CDH23: variants seen among roughly 807,000 people sequenced by gnomAD.
The protein encoded by CDH23 is cadherin related 23.
CDH23 carries 189 observed loss-of-function variants against 317.1 expected under a neutral mutation model. That is an observed-to-expected ratio of 0.60 (90% CI 0.53 to 0.67). The LOEUF is 0.67. CDH23 is among the 30% of genes least tolerant of loss of function. The probability of loss-of-function intolerance (pLI) is 0.00; values close to 1 mark genes in which losing one functional copy is unlikely to be tolerated. For synonymous variants in CDH23, 1,839 were observed against 1,876.8 expected (o/e 0.98, Z 0.52); for missense variants, 4,401 against 4,592.4 (o/e 0.96, Z 1.20).
At chr10:71,610,710 C>G (rs562659579) in intron 9 of CDH23, among the ~76,000 whole-genome samples, 27 of 150,916 alleles carry the variant, frequency 1.8e-4, no homozygotes, top group South Asian at 1.1e-3. Context: ...ATCCCCACCC[C>G]CCGACCCCTG....
intron 6 of CDH23, among the ~76,000 whole-genome samples, chr10:71,533,560 C>A (rs113173123): frequency 1.4e-5 from 2 of 141,472 alleles, no homozygotes; most frequent in African/African-American, 5.1e-5. Context: ...CACACACACA[C>A]ACACACACAC....
intron 3 of CDH23, among the ~76,000 whole-genome samples, chr10:71,463,017 C>T (rs56061344): frequency 9.3e-4 from 141 of 152,306 alleles, no homozygotes; most frequent in African/African-American, 2.9e-3. Flanking sequence ...GCATTTCCCC[C>T]GTCTAAAATG....
intron 9 of CDH23, among the ~76,000 whole-genome samples, chr10:71,604,460 C>T (rs1860414631): frequency 6.6e-6 from 1 of 152,194 alleles, no homozygotes; most frequent in Non-Finnish European, 1.5e-5. Context: ...TTTCTCTCTG[C>T]CATCACCCAG....
chr10:71,774,467 A>G (rs1840770614), intron 38 of CDH23, among the ~76,000 whole-genome samples: 1 of 152,110 alleles, frequency 6.6e-6, no homozygotes, highest in Non-Finnish European at 1.5e-5. Flanking sequence ...CCCTTCAGCT[A>G]CCACCTCCAG....
At chr10:71,659,424 C>A (rs912793058) in intron 14 of CDH23, among the ~76,000 whole-genome samples, 11 of 152,202 alleles carry the variant, frequency 7.2e-5, no homozygotes, top group Admixed American at 2.0e-4. Context: ...GGTAGGGGAC[C>A]CACAGAGGTT....
intron 3 of CDH23, among the ~76,000 whole-genome samples, chr10:71,451,378 G>A (rs141876980): frequency 9.2e-5 from 14 of 152,282 alleles, no homozygotes; most frequent in East Asian, 5.8e-4. Flanking sequence ...GTAAAAGCCC[G>A]TGTTCCTCAA....
At chr10:71,718,822 T>C (rs1227659426) in intron 28 of CDH23, among the ~76,000 whole-genome samples, 1 of 152,058 alleles carries the variant, frequency 6.6e-6, no homozygotes, top group East Asian at 1.9e-4. Flanking sequence ...ATCCCAGCAC[T>C]TTGGGAGGCC....
chr10:71,556,765 C>T (rs1377410305), intron 6 of CDH23, among the ~76,000 whole-genome samples: 2 of 152,184 alleles, frequency 1.3e-5, no homozygotes, highest in African/African-American at 2.4e-5. Flanking sequence ...TTCTTTACCA[C>T]TCCTGCTTCC....
intron 3 of CDH23, among the ~76,000 whole-genome samples, chr10:71,482,022 G>T (rs572546768): frequency 6.6e-6 from 1 of 152,060 alleles, no homozygotes; most frequent in Non-Finnish European, 1.5e-5. Context: ...CACCCTCCCC[G>T]TCCAGAGCAT....
chr10:71,815,109 G>C lies in CDH23; in HGVS notation c.9896G>C (p.Ser3299Thr). Residue 3299 changes from serine to threonine, a missense_variant, in exon 70 of 70, where the codon AGC (serine) becomes ACC (threonine). Ser to Thr is a moderately conservative substitution (Grantham distance 58, BLOSUM62 1). This residue lies in a region of CDH23 where 1,144 missense variants were observed against 1,138.2 expected (regional missense o/e 1.01). Coordinates refer to ENST00000224721, the MANE Select transcript of CDH23 (RefSeq NM_022124.6). ...ACGCTGCTGGCCACCGACCTCAACA[G>C]CCTGCCCGAGGAAGACCAGAAGGGC... Reference protein sequence around the residue: ...TGTLLATDLNSLPEEDQKGLG... With the variant: ...TGTLLATDLNTLPEEDQKGLG... The C allele has an allele frequency of 1.2e-6, 2 of 1,611,178 alleles. No individual in the cohort carries two copies. The highest frequency in any genetic ancestry group is 1.1e-5 in the South Asian group (1 of 90,742).
At chr10:71,793,143 G>A (rs1196136999) in intron 47 of CDH23, 39 bp from the exon 48 acceptor site, 8 of 1,474,890 alleles carry the variant, frequency 5.4e-6, no homozygotes, top group Non-Finnish European at 6.5e-6. Context: ...TCTGGAAGAG[G>A]CCACTGTGCG....
intron 14 of CDH23, among the ~76,000 whole-genome samples, chr10:71,664,670 T>A (rs1438630913): frequency 1.3e-5 from 2 of 152,262 alleles, no homozygotes; most frequent in Non-Finnish European, 2.9e-5. Flanking sequence ...CTAAAGCACC[T>A]GTGTGCATTA....
chr10:71,720,460 C>G (rs1036594877), intron 28 of CDH23, among the ~76,000 whole-genome samples: 2 of 151,162 alleles, frequency 1.3e-5, no homozygotes, highest in Non-Finnish European at 2.9e-5. Flanking sequence ...CTTCCCTCCC[C>G]CAGCCTTCTT....
chr10:71,689,021 G>C (rs1414920824), intron 19 of CDH23, among the ~76,000 whole-genome samples: 12 of 130,228 alleles, frequency 9.2e-5, no homozygotes, highest in African/African-American at 1.3e-4. Context: ...GTGGAGTCAG[G>C]GGTGGTGGAG....
chr10:71,427,735 T>C (rs1422991654), intron 1 of CDH23, among the ~76,000 whole-genome samples: 2 of 150,516 alleles, frequency 1.3e-5, no homozygotes, highest in Non-Finnish European at 3.0e-5. Context: ...TTTTTTTAGA[T>C]GGAGTCTCAC....
In CDH23 at chr10:71,679,393, G is replaced by A; in HGVS notation, c.1759G>A (p.Asp587Asn). 6.3e-7 allele frequency: 1 copy of A among 1,598,644 alleles called. No homozygotes were observed. The highest frequency in any genetic ancestry group is 8.5e-7 in the Non-Finnish European group (1 of 1,170,508). Reference sequence around the variant, plus strand: ...TCTGCCCTCTTCCTTTCAGGCAACAGATGAAGACTCCCCTCCCAACAACCA... The same window carrying A: ...TCTGCCCTCTTCCTTTCAGGCAACAAATGAAGACTCCCCTCCCAACAACCA... ...VTQLVRLRAT[D>N]EDSPPNNQIT... Residue 587 changes from aspartate (D) to asparagine (N), a missense_variant, in exon 17 of 70, where the codon GAT (aspartate) becomes AAT (asparagine). This residue lies in a region of CDH23 where 3,068 missense variants were observed against 3,203.3 expected (regional missense o/e 0.96). Transcript: ENST00000224721.
chr10:71,474,097 C>T (rs746354711), intron 3 of CDH23, among the ~76,000 whole-genome samples: 9 of 152,100 alleles, frequency 5.9e-5, no homozygotes, highest in Middle Eastern at 3.2e-3. Context: ...TGTTGGTGCC[C>T]GCTCCCTCCC....
chr10:71,518,562 A>C (rs1168813674), intron 6 of CDH23, among the ~76,000 whole-genome samples: 1 of 152,172 alleles, frequency 6.6e-6, no homozygotes, highest in Non-Finnish European at 1.5e-5. Context: ...AGCCACGGTC[A>C]TAGTGACACC....
chr10:71,494,799 C>T (rs111536531), intron 3 of CDH23, among the ~76,000 whole-genome samples: 224 of 152,264 alleles, frequency 1.5e-3, no homozygotes, highest in Non-Finnish European at 2.7e-3. Context: ...GTCCTGCTAC[C>T]CCGGCACCCA....
Sources: gnomAD v4.1 joint callset for allele counts (sites outside exome capture counted in the v4.1 genomes callset) on GRCh38, gnomAD v4.1.1 for gene constraint, gnomAD v4.1.1 regional missense constraint, MANE v1.5 for transcripts, NCBI Gene and HGNC (gene_info 2026-07-23, HGNC 2026-07-21) for gene names.